CLDN16: variants seen among roughly 807,000 people sequenced by gnomAD.
CLDN16 encodes claudin-16.
A neutral mutation model predicts 24.6 loss-of-function variants in CLDN16; 13 were observed. The observed-to-expected ratio is 0.53, with a 90% CI of 0.34 to 0.84. The LOEUF is 0.84. Ranked by LOEUF, CLDN16 falls within the 40% of genes least tolerant of loss-of-function variation. The probability of loss-of-function intolerance (pLI) is 0.01; values close to 1 mark genes in which losing one functional copy is unlikely to be tolerated. For missense variants in CLDN16, 298 were observed against 292.7 expected (o/e 1.02, Z -0.13); for synonymous variants, 116 against 106.7 (o/e 1.09, Z -0.54).
At chr3:190,324,293 G>A (rs1175343062) in intron 1 of CLDN16, among the ~76,000 whole-genome samples, 1 of 152,138 alleles carries the variant, frequency 6.6e-6, no homozygotes, top group Non-Finnish European at 1.5e-5. Flanking sequence ...GATCAGCCTG[G>A]CCAACATGGT....
intron 1 of CLDN16, among the ~76,000 whole-genome samples, chr3:190,356,377 A>G (rs1577407669): frequency 6.6e-6 from 1 of 151,856 alleles, no homozygotes; most frequent in Non-Finnish European, 1.5e-5. Flanking sequence ...CTTGCTTGTA[A>G]CAAAATGTTA....
chr3:190,346,660 C>T (rs1420763263), intron 1 of CLDN16, among the ~76,000 whole-genome samples: 3 of 152,132 alleles, frequency 2.0e-5, no homozygotes, highest in East Asian at 3.9e-4. Flanking sequence ...CGTCTGAGAT[C>T]AGGATACCAG....
chr3:190,363,554 GTGTATATA>G (rs1408685946), intron 1 of CLDN16, among the ~76,000 whole-genome samples: 5,038 of 81,384 alleles, frequency 0.062, 503 homozygotes, highest in Non-Finnish European at 0.069. Context: ...GTGTGTGTGT[GTGTATATA>G]TATATATATA....
At chr3:190,337,098 GT>G (rs1334959171) in intron 1 of CLDN16, among the ~76,000 whole-genome samples, 1 of 152,184 alleles carries the variant, frequency 6.6e-6, no homozygotes, top group East Asian at 1.9e-4. Flanking sequence ...GTATGTTGGT[GT>G]GGACAATGGA....
At chr3:190,406,895 C>G (rs918869752) in intron 3 of CLDN16, among the ~76,000 whole-genome samples, 3 of 152,072 alleles carry the variant, frequency 2.0e-5, no homozygotes, top group Non-Finnish European at 2.9e-5. Context: ...GCGCCCACCA[C>G]CACGCCTGGC....
At chr3:190,344,642 T>G (rs1023829957) in intron 1 of CLDN16, among the ~76,000 whole-genome samples, 2 of 151,980 alleles carry the variant, frequency 1.3e-5, no homozygotes, top group African/African-American at 2.4e-5. Context: ...CATTAAGAAT[T>G]AAATCACTAA....
At chr3:190,408,288 T>C (rs1719156798) in intron 3 of CLDN16, 26 bp from the exon 4 acceptor site, 1 of 1,606,550 alleles carries the variant, frequency 6.2e-7, no homozygotes, top group East Asian at 2.2e-5. Flanking sequence ...TCCCCTATTA[T>C]TTGTAGCATC....
intron 1 of CLDN16, among the ~76,000 whole-genome samples, chr3:190,326,339 T>G (rs1305718513): frequency 6.6e-6 from 1 of 152,224 alleles, no homozygotes; most frequent in Non-Finnish European, 1.5e-5. Flanking sequence ...TCTGTTACAG[T>G]CCCACTGAAT....
chr3:190,360,534 A>C (rs1372780412), intron 1 of CLDN16, among the ~76,000 whole-genome samples: 1 of 151,998 alleles, frequency 6.6e-6, no homozygotes, highest in African/African-American at 2.4e-5. Context: ...TGAATGTGAT[A>C]AGAACAAAAT....
At chr3:190,330,639 T>G (rs1186413109) in intron 1 of CLDN16, among the ~76,000 whole-genome samples, 1 of 152,134 alleles carries the variant, frequency 6.6e-6, no homozygotes, top group Non-Finnish European at 1.5e-5. Context: ...ATGTTATCTC[T>G]TGTAATAACT....
chr3:190,384,047 A>C (rs370345423), upstream of CLDN16, among the ~76,000 whole-genome samples: 1 of 152,188 alleles, frequency 6.6e-6, no homozygotes, highest in Non-Finnish European at 1.5e-5. Flanking sequence ...AAGATCTGTC[A>C]TATATAAATG....
At chr3:190,387,322 T>C (rs909756494), upstream of CLDN16, among the ~76,000 whole-genome samples, 4 of 151,660 alleles carry the variant, frequency 2.6e-5, no homozygotes, top group African/African-American at 9.7e-5. Context: ...TAAAAACTTT[T>C]TTTTACAAAA....
intron 1 of CLDN16, among the ~76,000 whole-genome samples, chr3:190,346,784 C>G (rs1230382162): frequency 6.6e-6 from 1 of 152,130 alleles, no homozygotes; most frequent in Non-Finnish European, 1.5e-5. Flanking sequence ...AGATCCATCA[C>G]CCCAGCCTCT....
intron 1 of CLDN16, among the ~76,000 whole-genome samples, chr3:190,363,010 C>A (rs889242537): frequency 7.9e-5 from 12 of 151,852 alleles, no homozygotes; most frequent in Admixed American, 2.0e-4. Context: ...AAATCAAATT[C>A]AAAAATTTTT....
chr3:190,384,920 T>C (rs899547804), upstream of CLDN16, among the ~76,000 whole-genome samples: 2 of 152,328 alleles, frequency 1.3e-5, no homozygotes, highest in Middle Eastern at 3.4e-3. Context: ...TTCATGTTTA[T>C]AATAAATTGG....
intron 1 of CLDN16, among the ~76,000 whole-genome samples, chr3:190,362,282 G>A (rs185456616): frequency 1.8e-4 from 28 of 151,994 alleles, no homozygotes; most frequent in Middle Eastern, 3.4e-3. Flanking sequence ...CAGTGCTTGA[G>A]ATATTTTGCA....
At chr3:190,311,780 T>C in the CLDN16 span, among the ~76,000 whole-genome samples, 2 of 151,370 alleles carry the variant, frequency 1.3e-5, no homozygotes. Flanking sequence ...AGATTGCATA[T>C]GTATGTACAT....
intron 2 of CLDN16, among the ~76,000 whole-genome samples, chr3:190,371,776 G>T (rs1277070865): frequency 6.6e-6 from 1 of 151,912 alleles, no homozygotes; most frequent in African/African-American, 2.4e-5. Context: ...CTGGTAATTT[G>T]CTCATTCCTG....
upstream of CLDN16, chr3:190,322,216 G>A (rs761296860): frequency 6.2e-7 from 1 of 1,612,622 alleles, no homozygotes; most frequent in African/African-American, 1.3e-5. Flanking sequence ...TGACTCGCTC[G>A]GGCGCCCGCG....
Sources: gnomAD v4.1 joint callset for allele counts (sites outside exome capture counted in the v4.1 genomes callset) on GRCh38, gnomAD v4.1.1 for gene constraint, MANE v1.5 for transcripts, NCBI Gene and HGNC (gene_info 2026-07-23, HGNC 2026-07-21) for gene names.